EFCAB6: variants seen among roughly 807,000 people sequenced by gnomAD.
EFCAB6 encodes the protein EF-hand calcium-binding domain-containing protein 6.
A neutral mutation model predicts 169.8 loss-of-function variants in EFCAB6; 156 were observed. The ratio of observed to expected loss-of-function variants is 0.92; its 90% CI spans 0.81 to 1.05. The LOEUF is 1.05. Ranked by LOEUF, EFCAB6 falls within the 50% of genes least tolerant of loss-of-function variation. The pLI is 0.00. For synonymous variants in EFCAB6, 698 were observed against 676.4 expected (o/e 1.03, Z -0.50); for missense variants, 1,800 against 1,829.1 (o/e 0.98, Z 0.29).
intron 18 of EFCAB6, 98 bp from the exon 19 acceptor site, chr22:43,632,336 G>A: frequency 1.4e-6 from 2 of 1,440,916 alleles, no homozygotes; most frequent in Middle Eastern, 2.7e-4. Flanking sequence ...TCTCGCTCTT[G>A]TTGCCCAGGC....
intron 2 of EFCAB6, among the ~76,000 whole-genome samples, chr22:43,792,592 T>C (rs1195217407): frequency 6.6e-6 from 1 of 152,174 alleles, no homozygotes; most frequent in Non-Finnish European, 1.5e-5. Flanking sequence ...TCAAGAAATG[T>C]GCTAATATTT....
At chr22:43,802,739 C>T (rs1030771348) in intron 2 of EFCAB6, 27 of 506,194 alleles carry the variant, frequency 5.3e-5, no homozygotes, top group African/African-American at 2.0e-4. Flanking sequence ...CAAAACAGAC[C>T]GGGCACAGAA....
Position 43,682,719 on chromosome 22 carries a change from C to T in EFCAB6, c.1251+1028G>A, listed in dbSNP as rs539070619. Among the ~76,000 whole-genome samples, 11 of 152,296 alleles carry T rather than the reference C, an allele frequency of 7.2e-5. No individual in the cohort carries two copies. The South Asian group carries it at 8.3e-4, about 11-fold the overall frequency. Reference sequence around the variant, plus strand: ...GGAGATCATAATCATGTTTGCCTCACCAAGGTGTCAAGAGGATTTAGTGAG... The same window carrying T: ...GGAGATCATAATCATGTTTGCCTCATCAAGGTGTCAAGAGGATTTAGTGAG... On this transcript the variant is annotated intron_variant, in intron 12 of 31. Transcript: ENST00000262726.
intron 31 of EFCAB6, among the ~76,000 whole-genome samples, chr22:43,529,856 C>A (rs1202815933): frequency 6.6e-6 from 1 of 152,230 alleles, no homozygotes; most frequent in African/African-American, 2.4e-5. Flanking sequence ...CTGCTATTTT[C>A]CCCGCCCCAT....
At chr22:43,715,901 G>A (rs941388349) in intron 9 of EFCAB6, among the ~76,000 whole-genome samples, 6 of 152,092 alleles carry the variant, frequency 3.9e-5, no homozygotes, top group African/African-American at 9.7e-5. Context: ...ATTGACATCC[G>A]TCTATTGAAC....
chr22:43,581,739 AAGATG>A (rs2050740918), intron 24 of EFCAB6, among the ~76,000 whole-genome samples: 1 of 152,220 alleles, frequency 6.6e-6, no homozygotes, highest in Admixed American at 6.5e-5. Flanking sequence ...GCTTCTAAAG[AAGATG>A]AGCCAAGAGC....
chr22:43,752,692 A>G (rs930642662), intron 6 of EFCAB6, among the ~76,000 whole-genome samples: 2 of 152,084 alleles, frequency 1.3e-5, no homozygotes, highest in South Asian at 2.1e-4. Flanking sequence ...TTTGACATCA[A>G]AGCATCTGCC....
At chr22:43,746,413 C>T (rs1489023139) in intron 6 of EFCAB6, among the ~76,000 whole-genome samples, 3 of 152,226 alleles carry the variant, frequency 2.0e-5, no homozygotes, top group Non-Finnish European at 4.4e-5. Context: ...GGTTCGGGGT[C>T]TCCTTGCAGC....
chr22:43,773,512 T>C (rs2187886), intron 3 of EFCAB6, among the ~76,000 whole-genome samples: 57,970 of 152,182 alleles, frequency 0.38, 11,879 homozygotes, highest in African/African-American at 0.51. Context: ...CCATTTCCCT[T>C]TCAAAGACAG....
At chr22:43,571,539 G>A (rs879841332) in intron 26 of EFCAB6, among the ~76,000 whole-genome samples, 1 of 152,140 alleles carries the variant, frequency 6.6e-6, no homozygotes, top group Non-Finnish European at 1.5e-5. Flanking sequence ...GGTTAAACTG[G>A]AGAAGTTAAT....
At chr22:43,645,894 G>T (rs2056124900) in intron 17 of EFCAB6, among the ~76,000 whole-genome samples, 1 of 152,070 alleles carries the variant, frequency 6.6e-6, no homozygotes, top group Non-Finnish European at 1.5e-5. Context: ...GAAAGATGAG[G>T]TGACATGACC....
chr22:43,772,389 C>T (rs1408511269), intron 4 of EFCAB6, among the ~76,000 whole-genome samples: 2 of 152,156 alleles, frequency 1.3e-5, no homozygotes, highest in Non-Finnish European at 2.9e-5. Flanking sequence ...CCTGTAATCC[C>T]AGCACTTTGG....
chr22:43,622,641 G>T (rs1041194462), intron 20 of EFCAB6, among the ~76,000 whole-genome samples: 6 of 152,128 alleles, frequency 3.9e-5, no homozygotes, highest in African/African-American at 1.4e-4. Flanking sequence ...TTGTTATGTG[G>T]TCTTAGCGAT....
In EFCAB6 at chr22:43,534,768, T is replaced by C. The variant is rs140352336; in HGVS notation, c.4153A>G (p.Ile1385Val). 4 of 1,614,082 alleles carry C rather than the reference T, an allele frequency of 2.5e-6. No individual in the cohort carries two copies. Among genetic ancestry groups the C allele is most frequent in the Non-Finnish European group, 3.4e-6 (4 of 1,180,002 alleles). ...SNGKFAYCDF[I>V]QSCVLLLKAK... ...TTTAGCAGGAGGACACAGCTCTGAATGAAGTCACAGTATGCAAATTTCCCG... is the reference window on the plus strand; with the variant it reads ...TTTAGCAGGAGGACACAGCTCTGAACGAAGTCACAGTATGCAAATTTCCCG... The change falls in exon 30 of 32, where the codon ATT (isoleucine) becomes GTT (valine). Residue 1385 changes from isoleucine to valine, a missense_variant. Coordinates refer to ENST00000262726, the MANE Select transcript of EFCAB6 (RefSeq NM_022785.4).
chr22:43,753,433 C>T (rs575590569), intron 6 of EFCAB6, among the ~76,000 whole-genome samples: 5 of 152,172 alleles, frequency 3.3e-5, no homozygotes. Flanking sequence ...AGAGGACACG[C>T]TGAGAACCAC....
chr22:43,634,021 A>C (rs2055186576), intron 18 of EFCAB6, among the ~76,000 whole-genome samples: 1 of 152,032 alleles, frequency 6.6e-6, no homozygotes, highest in South Asian at 2.1e-4. Flanking sequence ...GAGAAGCAGG[A>C]AGTGAGGGGA....
intron 20 of EFCAB6, among the ~76,000 whole-genome samples, chr22:43,623,188 C>T (rs540135025): frequency 5.9e-5 from 9 of 152,212 alleles, no homozygotes; most frequent in Non-Finnish European, 1.3e-4. Flanking sequence ...GTTAGTCATC[C>T]AACAGGAAGG....
At chr22:43,579,666 G>A (rs1270394931) in intron 25 of EFCAB6, among the ~76,000 whole-genome samples, 5 of 142,924 alleles carry the variant, frequency 3.5e-5, no homozygotes, top group South Asian at 2.2e-4. Flanking sequence ...TTCCGTACAC[G>A]TAGGCATCAT....
intron 26 of EFCAB6, among the ~76,000 whole-genome samples, chr22:43,555,680 A>T (rs1022565845): frequency 6.6e-6 from 1 of 151,944 alleles, no homozygotes; most frequent in African/African-American, 2.4e-5. Context: ...GCTAAGGGTG[A>T]CCTCCCCACA....
Sources: gnomAD v4.1 joint callset for allele counts (sites outside exome capture counted in the v4.1 genomes callset) on GRCh38, gnomAD v4.1.1 for gene constraint, MANE v1.5 for transcripts, NCBI Gene and HGNC (gene_info 2026-07-23, HGNC 2026-07-21) for gene names.